The following DAB1 variants were observed in gnomAD, a reference collection of about 807,000 sequenced individuals.
DAB1 encodes the protein disabled homolog 1.
In DAB1, 15 loss-of-function variants were observed where a neutral mutation model predicts 64.6. The ratio of observed to expected loss-of-function variants is 0.23; its 90% CI spans 0.16 to 0.36. The LOEUF (loss-of-function observed/expected upper bound fraction) is 0.36. Among genes scored for constraint, DAB1 ranks in the 10% least tolerant of loss-of-function variants. DAB1 has a pLI of 1.00. For missense variants in DAB1, 596 were observed against 706.7 expected, an observed-to-expected ratio of 0.84 and a Z score of 1.78; for synonymous variants, 235 against 251.9, an observed-to-expected ratio of 0.93 and a Z score of 0.64.
intron 9 of DAB1, among the ~76,000 whole-genome samples, chr1:57,053,233 T>A (rs1407906980): frequency 3.3e-5 from 5 of 152,158 alleles, no homozygotes; most frequent in African/African-American, 1.2e-4. Flanking sequence ...TCGGAATCCA[T>A]GTTTCATCAA....
intron 1 of DAB1, among the ~76,000 whole-genome samples, chr1:57,844,066 G>T (rs1381662602): frequency 6.6e-6 from 1 of 152,192 alleles, no homozygotes; most frequent in African/African-American, 2.4e-5. Flanking sequence ...CATTTGCCAT[G>T]CCATATTCCA....
intron 6 of DAB1, among the ~76,000 whole-genome samples, chr1:57,686,539 C>T (rs1646699876): frequency 1.3e-5 from 2 of 152,156 alleles, no homozygotes; most frequent in African/African-American, 4.8e-5. Flanking sequence ...GGGCTCCTCC[C>T]TAACTCATTC....
chr1:58,446,180 G>T (rs1253240501), intron 3 of DAB1, among the ~76,000 whole-genome samples: 1 of 152,158 alleles, frequency 6.6e-6, no homozygotes, highest in African/African-American at 2.4e-5. Context: ...TTGGGAAATT[G>T]ATTTCGTCTT....
intron 2 of DAB1, among the ~76,000 whole-genome samples, chr1:57,206,968 C>CTTTTTTTTTTTTTTTTTTTTTTTTTTT (rs201111039): frequency 2.4e-5 from 2 of 84,476 alleles, no homozygotes; most frequent in Admixed American, 1.7e-4. Context: ...TCCTTCCTTC[C>CTTTTTTTTTTTTTTTTTTTTTTTTTTT]TTTTTTTTTT....
intron 4 of DAB1, among the ~76,000 whole-genome samples, chr1:57,083,879 C>T (rs1365243763): frequency 2.0e-5 from 3 of 152,186 alleles, no homozygotes; most frequent in Admixed American, 1.3e-4. Context: ...GACAAATCAC[C>T]TAGCTTCTCT....
intron 6 of DAB1, among the ~76,000 whole-genome samples, chr1:57,779,190 G>A (rs147259271): frequency 6.6e-6 from 1 of 152,162 alleles, no homozygotes; most frequent in East Asian, 1.9e-4. Flanking sequence ...TTCTCTGGGG[G>A]GTTAACAGTT....
chr1:58,126,099 A>AC (rs1653059351), intron 5 of DAB1, among the ~76,000 whole-genome samples: 2 of 152,196 alleles, frequency 1.3e-5, no homozygotes, highest in African/African-American at 4.8e-5. Flanking sequence ...TTCAAGCATC[A>AC]AACTTATTTG....
At chr1:57,211,448 G>A (rs1665999049) in intron 2 of DAB1, among the ~76,000 whole-genome samples, 2 of 152,154 alleles carry the variant, frequency 1.3e-5, no homozygotes, top group African/African-American at 2.4e-5. Context: ...ATGATGTATA[G>A]GGAAGAGTAT....
intron 2 of DAB1, among the ~76,000 whole-genome samples, chr1:57,197,773 G>A (rs1220113910): frequency 6.6e-6 from 1 of 152,166 alleles, no homozygotes; most frequent in Non-Finnish European, 1.5e-5. Flanking sequence ...ACACAAAAAG[G>A]TTGAAGAAGA....
At chr1:58,512,945 G>A (rs1238031454) in intron 2 of DAB1, among the ~76,000 whole-genome samples, 1 of 152,004 alleles carries the variant, frequency 6.6e-6, no homozygotes, top group South Asian at 2.1e-4. Context: ...CAAAATAAAG[G>A]CATTTTTAAA....
intron 3 of DAB1, among the ~76,000 whole-genome samples, chr1:58,462,098 G>A (rs1045646758): frequency 2.7e-5 from 4 of 147,910 alleles, no homozygotes; most frequent in Non-Finnish European, 4.5e-5. Flanking sequence ...GATCCACGTC[G>A]ATCTGAGAAG....
At chr1:57,760,181 C>A (rs543567376) in intron 6 of DAB1, among the ~76,000 whole-genome samples, 2 of 152,064 alleles carry the variant, frequency 1.3e-5, no homozygotes, top group Non-Finnish European at 2.9e-5. Flanking sequence ...CTGCACTTGT[C>A]ACTTATGCAC....
At chr1:58,395,535 C>T (rs1644514181) in intron 3 of DAB1, among the ~76,000 whole-genome samples, 1 of 152,200 alleles carries the variant, frequency 6.6e-6, no homozygotes, top group South Asian at 2.1e-4. Context: ...GAATTCCTGC[C>T]TGTGTGACTC....
chr1:57,795,943 G>A (rs903269461), intron 6 of DAB1, among the ~76,000 whole-genome samples: 7 of 151,340 alleles, frequency 4.6e-5, no homozygotes, highest in Non-Finnish European at 7.4e-5. Flanking sequence ...TGTCATTAAT[G>A]TACAAAGTGC....
chr1:58,102,279 TAGGAAAAG>T (rs1651368966), intron 5 of DAB1, among the ~76,000 whole-genome samples: 1 of 152,120 alleles, frequency 6.6e-6, no homozygotes. Flanking sequence ...GAATAGGACC[TAGGAAAAG>T]GTAGTCTGAT....
chr1:58,080,359 C>T (rs976250602), intron 5 of DAB1: 1 of 152,202 alleles, frequency 6.6e-6, no homozygotes, highest in Non-Finnish European at 1.5e-5. Flanking sequence ...CTGTTGATAG[C>T]ACATTTTTCT....
At chr1:57,754,722 C>A (rs1490399030) in intron 6 of DAB1, among the ~76,000 whole-genome samples, 1 of 151,998 alleles carries the variant, frequency 6.6e-6, no homozygotes, top group Admixed American at 6.6e-5. Context: ...AACAAACAAA[C>A]AAACGAACAA....
At chr1:57,814,160 A>G (rs1020202998) in intron 6 of DAB1, among the ~76,000 whole-genome samples, 1 of 152,152 alleles carries the variant, frequency 6.6e-6, no homozygotes, top group Non-Finnish European at 1.5e-5. Flanking sequence ...CGAGGACACA[A>G]ATGAGTGTTT....
At chr1:57,592,839 C>T (rs1199323363) in intron 7 of DAB1, among the ~76,000 whole-genome samples, 3 of 152,102 alleles carry the variant, frequency 2.0e-5, no homozygotes, top group Non-Finnish European at 2.9e-5. Context: ...GCCACCTTCT[C>T]GCTGTGTCCT....
Sources: gnomAD v4.1 joint callset for allele counts (sites outside exome capture counted in the v4.1 genomes callset) on GRCh38, gnomAD v4.1.1 for gene constraint, MANE v1.5 for transcripts, NCBI Gene and HGNC (gene_info 2026-07-23, HGNC 2026-07-21) for gene names.